Variants in FBLN2 observed in about 807,000 individuals in gnomAD.
The protein encoded by FBLN2 is fibulin-2.
FBLN2 carries 81 observed loss-of-function variants against 123.7 expected under a neutral mutation model. The ratio of observed to expected loss-of-function variants is 0.65; its 90% CI spans 0.55 to 0.79. The LOEUF is 0.79. Among genes scored for constraint, FBLN2 ranks in the 30% least tolerant of loss-of-function variants. FBLN2 has a pLI of 0.00. For synonymous variants in FBLN2, 699 were observed against 701.4 expected (o/e 1.00, Z 0.05); for missense variants, 1,603 against 1,681.3 (o/e 0.95, Z 0.81).
intron 1 of FBLN2, among the ~76,000 whole-genome samples, chr3:13,560,608 A>G (rs1465848477): frequency 6.6e-6 from 1 of 152,154 alleles, no homozygotes; most frequent in East Asian, 1.9e-4. Flanking sequence ...ACATCGTGCT[A>G]TTATTAAGAC....
At chr3:13,566,371 G>A (rs909581026) in intron 1 of FBLN2, 1 of 152,378 alleles carries the variant, frequency 6.6e-6, no homozygotes, top group South Asian at 2.1e-4. Context: ...GATAGATAGG[G>A]AGCTCACTCC....
intron 1 of FBLN2, among the ~76,000 whole-genome samples, chr3:13,557,599 C>G (rs1057109526): frequency 1.6e-4 from 25 of 152,186 alleles, no homozygotes; most frequent in African/African-American, 5.5e-4. Flanking sequence ...GGCTCACCCT[C>G]GAGCTCAGAA....
intron 2 of FBLN2, among the ~76,000 whole-genome samples, chr3:13,591,357 A>T (rs1240352919): frequency 1.3e-5 from 2 of 152,254 alleles, no homozygotes; most frequent in Non-Finnish European, 2.9e-5. Context: ...TGATGAATTC[A>T]TTGCAAATGT....
Position 13,637,561 on chromosome 3 carries a change from GGAA to G in FBLN2, c.3340_3342del (p.Lys1114del), listed in dbSNP as rs763723475. 1.3e-5 allele frequency: 21 copies of G among 1,599,632 alleles called. No individual in the cohort carries two copies. The highest frequency in any genetic ancestry group is 1.6e-5 in the Non-Finnish European group (19 of 1,170,628). ...GGTGACCCGGCCTATCCTCCCTGCA[GGAA>G]GTGCGAGCGCACCACGTGCCATGAC... On this transcript the variant is annotated inframe_deletion and splice_region_variant, in exon 18 of 18. Transcript: ENST00000404922.
At chr3:13,605,404 A>C (rs1399374874) in intron 2 of FBLN2, among the ~76,000 whole-genome samples, 1 of 152,038 alleles carries the variant, frequency 6.6e-6, no homozygotes, top group Non-Finnish European at 1.5e-5. Flanking sequence ...CAAAGTATGC[A>C]TTGTTATTTT....
At chr3:13,607,820 G>A (rs557772378) in intron 2 of FBLN2, among the ~76,000 whole-genome samples, 2 of 152,236 alleles carry the variant, frequency 1.3e-5, no homozygotes, top group Non-Finnish European at 2.9e-5. Context: ...AGTGGGGGCT[G>A]AGCTCTGGCC....
intron 2 of FBLN2, among the ~76,000 whole-genome samples, chr3:13,591,706 T>C (rs2124856371): frequency 6.6e-6 from 1 of 152,328 alleles, no homozygotes; most frequent in South Asian, 2.1e-4. Context: ...TTTTCCAGCA[T>C]TGTTCTTCTT....
At chr3:13,622,038 C>G in intron 9 of FBLN2, 123 bp downstream of exon 9, 1 of 1,150,966 alleles carries the variant, frequency 8.7e-7, no homozygotes, top group Non-Finnish European at 1.2e-6. Context: ...TCAGCACAGC[C>G]GGCATCTCCG....
chr3:13,570,864 T>G lies in FBLN2; in HGVS notation c.509T>G (p.Ile170Ser). The G allele has an allele frequency of 6.2e-7, 1 of 1,610,864 alleles. No homozygotes were observed. Among genetic ancestry groups the G allele is most frequent in the Admixed American group, 1.7e-5 (1 of 59,678 alleles). The part of the protein sequence containing the change: ...CHCPDAGGEL[I>S]CYQLPGCHGN... ...TGCCCTGACGCCGGTGGAGAGCTCA[T>G]CTGCTACCAGCTCCCCGGTTGCCAC... The change falls in exon 2 of 18, where the codon ATC (isoleucine) becomes AGC (serine). Residue 170 changes from isoleucine to serine, a missense_variant. Physicochemically the swap from Ile to Ser is moderately radical, Grantham distance 142. Transcript: ENST00000404922.
chr3:13,617,578 CCCATCCAT>C (rs57191985), intron 5 of FBLN2, among the ~76,000 whole-genome samples: 15,662 of 119,226 alleles, frequency 0.13, 1,273 homozygotes, highest in African/African-American at 0.26. Flanking sequence ...AACCCATCCA[CCCATCCAT>C]CCATCCATCC....
At chr3:13,605,318 T>C (rs3773271) in intron 2 of FBLN2, among the ~76,000 whole-genome samples, 85,813 of 152,058 alleles carry the variant, frequency 0.56, 24,600 homozygotes, top group African/African-American at 0.65. Flanking sequence ...TCTTTCTCCA[T>C]TCCCATCCAC....
chr3:13,600,046 CGA>C (rs1252358257), intron 2 of FBLN2, among the ~76,000 whole-genome samples: 2 of 128,086 alleles, frequency 1.6e-5, no homozygotes, highest in Non-Finnish European at 3.3e-5. Context: ...AGAGAGAGAG[CGA>C]GAGAGAGAGA....
At chr3:13,558,783 A>G (rs1703530913) in intron 1 of FBLN2, among the ~76,000 whole-genome samples, 1 of 8,378 alleles carries the variant, frequency 1.2e-4, no homozygotes, top group Non-Finnish European at 3.0e-4. Context: ...CCATCCACCC[A>G]TCCACCCACC....
chr3:13,582,542 G>A lies in FBLN2; in HGVS notation c.1306+10881G>A, dbSNP rs375025255. ...ACCTCCACCCCCTTGTCCACTCCTCGGCCTCCATGCTGGGAAAGTGGGCTT... is the reference window on the plus strand; with the variant it reads ...ACCTCCACCCCCTTGTCCACTCCTCAGCCTCCATGCTGGGAAAGTGGGCTT... On this transcript the variant is annotated intron_variant, in intron 2 of 17. Coordinates refer to ENST00000404922, the MANE Select transcript of FBLN2 (RefSeq NM_001004019.2). Among the ~76,000 whole-genome samples, 32 of 152,264 alleles carry A rather than the reference G, an allele frequency of 2.1e-4. 1 individual carries two copies. In the East Asian group the frequency reaches 4.3e-3, roughly 20 times the overall value.
chr3:13,604,074 T>G (rs1412801593), intron 2 of FBLN2, among the ~76,000 whole-genome samples: 2 of 152,352 alleles, frequency 1.3e-5, no homozygotes, highest in South Asian at 4.1e-4. Context: ...GCCCACTTTT[T>G]GATGGGGTTG....
chr3:13,634,788 G>A (rs1433599793), intron 16 of FBLN2, among the ~76,000 whole-genome samples: 1 of 152,234 alleles, frequency 6.6e-6, no homozygotes, highest in East Asian at 1.9e-4. Flanking sequence ...CCCAGAGTCT[G>A]AGGCGGTCCG....
chr3:13,605,266 T>C (rs1299311795), intron 2 of FBLN2, among the ~76,000 whole-genome samples: 4 of 152,324 alleles, frequency 2.6e-5, no homozygotes, highest in Non-Finnish European at 4.4e-5. Context: ...TTTGCAAGGC[T>C]CTTGTTTTAT....
chr3:13,564,845 A>G (rs1703698807), intron 1 of FBLN2, among the ~76,000 whole-genome samples: 1 of 152,196 alleles, frequency 6.6e-6, no homozygotes, highest in African/African-American at 2.4e-5. Context: ...TTATCAAAGG[A>G]GGCAGTGTTG....
In FBLN2 at chr3:13,626,431, C is replaced by T. The variant is rs983466029; in HGVS notation, c.2297-14C>T. 1.3e-5 allele frequency: 21 copies of T among 1,562,286 alleles called. No homozygotes were observed. The highest frequency in any genetic ancestry group is 7.2e-5 in the Admixed American group (4 of 55,474). On this transcript the variant is annotated splice_polypyrimidine_tract_variant and intron_variant, in intron 9 of 17. Transcript: ENST00000404922. ...GGGACTCTGCAGCCTCTGATGGCCT[C>T]GCTCTCCCTGCAGACATCAACGAGT... is the stretch of plus-strand genomic sequence containing the variant.
Sources: gnomAD v4.1 joint callset for allele counts (sites outside exome capture counted in the v4.1 genomes callset) on GRCh38, gnomAD v4.1.1 for gene constraint, MANE v1.5 for transcripts, NCBI Gene and HGNC (gene_info 2026-07-23, HGNC 2026-07-21) for gene names.